DMD: variants seen among roughly 807,000 people sequenced by gnomAD.
The protein encoded by DMD is mutant dystrophin.
DMD carries 63 observed loss-of-function variants against 330.1 expected under a neutral mutation model. The observed-to-expected ratio is 0.19, with a 90% confidence interval of 0.16 to 0.24. DMD has a LOEUF of 0.24. DMD is among the 10% of genes least tolerant of loss of function. DMD has a pLI of 1.00. For missense variants in DMD, 3,344 were observed against 2,684.1 expected, an observed-to-expected ratio of 1.25 and a Z score of -5.43; for synonymous variants, 1,223 against 959.8, an observed-to-expected ratio of 1.27 and a Z score of -5.07.
At chrX:33,201,220 C>G (rs1189917352) in intron 1 of DMD, among the ~76,000 whole-genome samples, 1 of 111,103 alleles carries the variant, frequency 9.0e-6, no homozygotes, top group Non-Finnish European at 1.9e-5. Flanking sequence ...CATGAGCCAC[C>G]GCGACCAGCC....
At chrX:31,202,805 C>T (rs774360989) in intron 67 of DMD, among the ~76,000 whole-genome samples, 1 of 111,969 alleles carries the variant, frequency 8.9e-6, no homozygotes, top group African/African-American at 3.2e-5. Flanking sequence ...AATGTGATAC[C>T]GAAAGCATCT....
intron 7 of DMD, among the ~76,000 whole-genome samples, chrX:32,751,861 G>A (rs769405453): frequency 1.8e-5 from 2 of 112,850 alleles, no homozygotes; most frequent in Non-Finnish European, 3.8e-5. Context: ...AGGGGCCGAG[G>A]TACAGCTTGG....
chrX:31,612,445 T>C (rs1306012185), intron 55 of DMD, among the ~76,000 whole-genome samples: 7 of 111,721 alleles, frequency 6.3e-5, no homozygotes, highest in South Asian at 3.7e-4. Context: ...GTGAATGAAA[T>C]AGACAGAGCC....
At chrX:32,504,412 T>C (rs1428069905) in intron 18 of DMD, among the ~76,000 whole-genome samples, 2 of 110,739 alleles carry the variant, frequency 1.8e-5, no homozygotes, top group Non-Finnish European at 3.8e-5. Flanking sequence ...TCACCTGAGG[T>C]CGGGAGTTCG....
chrX:32,661,035 G>A (rs2060909671), intron 9 of DMD, among the ~76,000 whole-genome samples: 1 of 111,231 alleles, frequency 9.0e-6, no homozygotes, highest in Non-Finnish European at 1.9e-5. Context: ...ATTTTCCACA[G>A]AAGATATCAA....
intron 44 of DMD, among the ~76,000 whole-genome samples, chrX:32,012,925 G>T (rs958081491): frequency 9.1e-6 from 1 of 110,237 alleles, no homozygotes; most frequent in African/African-American, 3.3e-5. Context: ...TTTCTCTACT[G>T]CTCTTCATAT....
At chrX:31,424,325 T>C (rs1260789574) in intron 60 of DMD, among the ~76,000 whole-genome samples, 1 of 111,920 alleles carries the variant, frequency 8.9e-6, no homozygotes, top group Non-Finnish European at 1.9e-5. Context: ...GGAAGGGAAA[T>C]GTCTCTATGG....
At chrX:31,815,949 G>A (rs1375743631) in intron 50 of DMD, among the ~76,000 whole-genome samples, 1 of 111,876 alleles carries the variant, frequency 8.9e-6, no homozygotes, top group Non-Finnish European at 1.9e-5. Context: ...AAGAATCAAG[G>A]TTCTGCAACC....
chrX:32,882,552 T>C (rs1325909816), intron 2 of DMD, among the ~76,000 whole-genome samples: 1 of 112,198 alleles, frequency 8.9e-6, no homozygotes, highest in Non-Finnish European at 1.9e-5. Flanking sequence ...TATTCCACTA[T>C]TGTTTTCTAC....
intron 30 of DMD, among the ~76,000 whole-genome samples, chrX:32,404,422 C>A (rs1388462977): frequency 1.8e-5 from 2 of 111,167 alleles, no homozygotes; most frequent in African/African-American, 6.5e-5. Flanking sequence ...TTCCTCTATT[C>A]CTGCTCATAA....
At chrX:32,306,553 C>G (rs763188542) in intron 42 of DMD, among the ~76,000 whole-genome samples, 172 of 111,592 alleles carry the variant, frequency 1.5e-3, no homozygotes, top group African/African-American at 5.3e-3. Context: ...TTTATTCATT[C>G]CAAACAAGGC....
intron 16 of DMD, among the ~76,000 whole-genome samples, chrX:32,563,522 A>C (rs2051318839): frequency 9.0e-6 from 1 of 111,008 alleles, no homozygotes; most frequent in Non-Finnish European, 1.9e-5. Context: ...GCTGTAATGC[A>C]TGTTGGACTT....
chrX:32,110,244 T>C (rs946467366), intron 44 of DMD, among the ~76,000 whole-genome samples: 10 of 111,837 alleles, frequency 8.9e-5, no homozygotes, highest in Non-Finnish European at 1.5e-4. Flanking sequence ...CTGCAACACG[T>C]TGCAGAGTAA....
chrX:31,282,629 G>T (rs902997540), intron 62 of DMD, among the ~76,000 whole-genome samples: 1 of 111,217 alleles, frequency 9.0e-6, no homozygotes, highest in Admixed American at 9.6e-5. Flanking sequence ...CTCTACTTAC[G>T]TTAGCTTTTC....
intron 2 of DMD, among the ~76,000 whole-genome samples, chrX:32,968,774 A>T (rs1365987409): frequency 9.2e-6 from 1 of 109,205 alleles, no homozygotes; most frequent in African/African-American, 3.3e-5. Context: ...TCACACCTGT[A>T]ATCCCAGCAC....
intron 34 of DMD, among the ~76,000 whole-genome samples, chrX:32,365,715 G>T (rs113414324): frequency 9.0e-5 from 10 of 111,630 alleles, no homozygotes; most frequent in African/African-American, 2.9e-4. Flanking sequence ...CAATTATACT[G>T]AAATACAATG....
intron 43 of DMD, among the ~76,000 whole-genome samples, chrX:32,269,327 C>T (rs1348019373): frequency 1.8e-5 from 2 of 111,706 alleles, no homozygotes; most frequent in Non-Finnish European, 3.8e-5. Context: ...TGCCAAAATA[C>T]AAAACCATAA....
At chrX:32,873,553 T>G (rs2083160395) in intron 2 of DMD, among the ~76,000 whole-genome samples, 1 of 111,582 alleles carries the variant, frequency 9.0e-6, no homozygotes, top group Admixed American at 9.6e-5. Flanking sequence ...CAAGGCACAT[T>G]TCTGAGCATT....
chrX:32,769,259 G>A (rs1349151357), intron 7 of DMD, among the ~76,000 whole-genome samples: 1 of 112,017 alleles, frequency 8.9e-6, no homozygotes, highest in East Asian at 2.8e-4. Flanking sequence ...ATGGCAGAAT[G>A]CGAAAGGCAT....
Sources: gnomAD v4.1 joint callset for allele counts (sites outside exome capture counted in the v4.1 genomes callset) on GRCh38, gnomAD v4.1.1 for gene constraint, MANE v1.5 for transcripts, NCBI Gene and HGNC (gene_info 2026-07-23, HGNC 2026-07-21) for gene names.